The following PHACTR2 variants were observed in gnomAD, a reference collection of about 807,000 sequenced individuals.
PHACTR2 encodes phosphatase and actin regulator 2.
A neutral mutation model predicts 76.0 loss-of-function variants in PHACTR2; 30 were observed. That is an observed-to-expected ratio of 0.39 (90% CI 0.30 to 0.54). PHACTR2 has a LOEUF of 0.54. Ranked by LOEUF, PHACTR2 falls within the 20% of genes least tolerant of loss-of-function variation. The pLI, the probability that PHACTR2 is intolerant of heterozygous loss-of-function variation, is 0.61. For synonymous variants in PHACTR2, 292 were observed against 292.5 expected, an observed-to-expected ratio of 1.00 and a Z score of 0.02; for missense variants, 696 against 781.1, an observed-to-expected ratio of 0.89 and a Z score of 1.30.
rs967621701 is a variant in PHACTR2 at position 143,800,131 on chromosome 6, G to A, written c.1846-6926G>A. Among the ~76,000 whole-genome samples, 9 of 152,160 alleles carry A rather than the reference G, an allele frequency of 5.9e-5. No individual in the cohort carries two copies. Among genetic ancestry groups the A allele is most frequent in the South Asian group, 2.1e-4 (1 of 4,826 alleles). On this transcript the variant is annotated intron_variant, in intron 11 of 12. Coordinates refer to ENST00000440869, the MANE Select transcript of PHACTR2 (RefSeq NM_001100164.2). The surrounding 1 kb of genome is among the most constrained non-coding windows in gnomAD (Gnocchi z 4.8). ...GTTGAATTGATCCCTTCACCATTAC[G>A]TAATGGCCTTCTTTGTCTCTTTTGA...
chr6:143,765,218 A>G lies in PHACTR2; in HGVS notation c.695-43A>G, dbSNP rs746969000. On this transcript the variant is annotated intron_variant, in intron 5 of 12. Transcript: ENST00000440869. This position sits in a 1 kb window ranked among gnomAD's most constrained non-coding sequence, Gnocchi z 4.1. The stretch of plus-strand genomic sequence containing the variant: ...CCTTGGTTACTTTATTTTAAAAAGC[A>G]TTGTATTCTTTGATTTTTTAATGCA... 6.8e-7 allele frequency: 1 copy of G among 1,472,312 alleles called. No homozygotes were observed. Among genetic ancestry groups the G allele is most frequent in the Admixed American group, 2.0e-5 (1 of 49,034 alleles). 91.2% of individuals were successfully genotyped at this position (1,472,312 alleles called of 1,614,324 possible). A position where few individuals can be genotyped will look rare whatever the true frequency, so the allele number is the denominator to read the frequency against.
At chr6:143,681,595 G>C (rs1185030192) in intron 1 of PHACTR2, among the ~76,000 whole-genome samples, 1 of 152,050 alleles carries the variant, frequency 6.6e-6, no homozygotes, top group Non-Finnish European at 1.5e-5. Context: ...TTTTGATGAT[G>C]AGCAGTTTAT....
In PHACTR2 at chr6:143,570,348, TCA is replaced by T. The variant is rs1200841501; in HGVS notation, c.217+33144_217+33145del. On this transcript the variant is annotated intron_variant, in intron 1 of 11. Transcript: ENST00000367584. This position sits in a 1 kb window ranked among gnomAD's most constrained non-coding sequence, Gnocchi z 4.6. ...GCCCTAATCACAAATGTCTTTGTAC[TCA>T]CAGTCATCTTATGCAGGGTTTGTAC... Among the ~76,000 whole-genome samples, 1 of 152,210 alleles carries T rather than the reference TCA, an allele frequency of 6.6e-6. No homozygotes were observed. Among genetic ancestry groups the T allele is most frequent in the African/African-American group, 2.4e-5 (1 of 41,456 alleles).
intron 5 of PHACTR2, among the ~76,000 whole-genome samples, chr6:143,762,468 A>G (rs909491205): frequency 3.3e-5 from 5 of 152,228 alleles, no homozygotes; most frequent in Admixed American, 2.0e-4. Flanking sequence ...TCCAGAGGCT[A>G]TCACAGAGAA....
Position 143,774,108 on chromosome 6 carries a change from T to C in PHACTR2, c.1482T>C (p.Leu494=), listed in dbSNP as rs776128291. Residue 494 remains leucine (L), a synonymous_variant, in exon 8 of 13, where the codon CTT becomes CTC. Coordinates refer to ENST00000440869, the MANE Select transcript of PHACTR2 (RefSeq NM_001100164.2). This position sits in a 1 kb window ranked among gnomAD's most constrained non-coding sequence, Gnocchi z 5.4. ...GGAGGGATACTCTTGCTATCAAACT[T>C]GGCAACAGACCATCTAAGAAAGAAC... is the stretch of plus-strand genomic sequence containing the variant. ...IRRRDTLAIK[L]GNRPSKKELE... 13 of 1,613,884 alleles carry C rather than the reference T, an allele frequency of 8.1e-6. No individual in the cohort carries two copies. The highest frequency in any genetic ancestry group is 1.1e-5 in the Non-Finnish European group (13 of 1,179,858).
intron 1 of PHACTR2, among the ~76,000 whole-genome samples, chr6:143,634,725 A>G (rs1776421688): frequency 6.6e-6 from 1 of 152,202 alleles, no homozygotes; most frequent in African/African-American, 2.4e-5. Context: ...GTAGTTGGGC[A>G]TATGCAGATA....
chr6:143,587,534 G>A (rs953626522), intron 1 of PHACTR2, among the ~76,000 whole-genome samples: 1 of 152,182 alleles, frequency 6.6e-6, no homozygotes, highest in Admixed American at 6.5e-5. Flanking sequence ...AGCACTGCCA[G>A]TGAGTATTCT....
chr6:143,565,121 C>T (rs918772949), intron 1 of PHACTR2, among the ~76,000 whole-genome samples: 3 of 152,138 alleles, frequency 2.0e-5, no homozygotes, highest in Non-Finnish European at 4.4e-5. Flanking sequence ...AATCCATTCT[C>T]TCATTCTTCT....
At chr6:143,744,567 A>C (rs945700403) in intron 2 of PHACTR2, among the ~76,000 whole-genome samples, 3 of 151,646 alleles carry the variant, frequency 2.0e-5, no homozygotes, top group Non-Finnish European at 4.4e-5. Flanking sequence ...TTGAGCAGAG[A>C]CTTGTGGGAC....
intron 1 of PHACTR2, among the ~76,000 whole-genome samples, chr6:143,644,467 C>A (rs1305676480): frequency 6.3e-3 from 700 of 111,426 alleles, no homozygotes; most frequent in Middle Eastern, 0.016. Flanking sequence ...GACTCCATCT[C>A]AAAAAAAAAA....
In PHACTR2 at chr6:143,788,872, G is replaced by T. The variant is rs1291676165; in HGVS notation, c.1807G>T (p.Ala603Ser). 5 of 1,613,534 alleles carry T rather than the reference G, an allele frequency of 3.1e-6. No homozygotes were observed. In the Admixed American group the frequency reaches 6.7e-5, roughly 22 times the overall value. ...VTDSPDYDRR[A>S]DKPWARLTPA... ...GGATTCTCCTGACTATGACCGCCGA[G>T]CAGACAAGCCCTGGGCCAGGTTAAC... The change falls in exon 11 of 13, where the codon GCA (alanine) becomes TCA (serine). Residue 603 changes from alanine (A) to serine (S), a missense_variant. By Grantham distance (99) the Ala-to-Ser change is moderately conservative. Transcript: ENST00000440869.
intron 1 of PHACTR2, among the ~76,000 whole-genome samples, chr6:143,620,145 G>A (rs1776127261): frequency 6.6e-6 from 1 of 152,104 alleles, no homozygotes; most frequent in Admixed American, 6.6e-5. Context: ...CAGACTTCGT[G>A]GAAAACCAGG....
Position 143,783,429 on chromosome 6 carries a change from G to A in PHACTR2, c.1707+149G>A. On this transcript the variant is annotated intron_variant, in intron 10 of 12. Coordinates refer to ENST00000440869, the MANE Select transcript of PHACTR2 (RefSeq NM_001100164.2). The surrounding 1 kb of genome is among the most constrained non-coding windows in gnomAD (Gnocchi z 5.2). Reference sequence around the variant, plus strand: ...TCATAGACATCAAAATCACAAGCCTGGGCAACATGGTGAAACCCTAGCTCT... The same window carrying A: ...TCATAGACATCAAAATCACAAGCCTAGGCAACATGGTGAAACCCTAGCTCT... The A allele has an allele frequency of 2.0e-6, 1 of 510,208 alleles. No homozygotes were observed. The highest frequency in any genetic ancestry group is 3.7e-5 in the Admixed American group (1 of 26,956). The allele number at this position is 510,208 out of a possible 1,614,324, so 31.6% of individuals were successfully genotyped here.
chr6:143,687,039 C>T (rs997306594), intron 1 of PHACTR2, among the ~76,000 whole-genome samples: 5 of 152,022 alleles, frequency 3.3e-5, no homozygotes, highest in African/African-American at 1.2e-4. Context: ...ATATAGCCAC[C>T]TTCTTTTTAG....
rs1185816516 is a variant in PHACTR2, at chr6:143,585,905, CAGGGACACA to C, written c.217+48699_217+48707del. 2.0e-5 allele frequency among the ~76,000 whole-genome samples: 3 copies of C among 152,218 alleles called. No individual in the cohort carries two copies. The highest frequency in any genetic ancestry group is 4.4e-5 in the Non-Finnish European group (3 of 68,042). ...AGCTGGGGCCGCTAGCACTTCATGG[CAGGGACACA>C]TTATTTTTCTTCTTTGAAACAATCC... On this transcript the variant is annotated intron_variant, in intron 1 of 11. Coordinates refer to the PHACTR2 transcript ENST00000367584. This position sits in a 1 kb window ranked among gnomAD's most constrained non-coding sequence, Gnocchi z 5.2.
upstream of PHACTR2, among the ~76,000 whole-genome samples, chr6:143,673,463 G>A (rs924957851): frequency 4.6e-5 from 7 of 151,970 alleles, no homozygotes; most frequent in African/African-American, 1.7e-4. Flanking sequence ...TGGATGTGAT[G>A]GTTAACAAAA....
rs1358609211 is a variant in PHACTR2, at chr6:143,653,382, T to C, written c.13+45060T>C. 3.3e-5 allele frequency among the ~76,000 whole-genome samples: 5 copies of C among 152,214 alleles called. No homozygotes were observed. Among genetic ancestry groups the C allele is most frequent in the East Asian group, 3.9e-4 (2 of 5,184 alleles). On this transcript the variant is annotated intron_variant, in intron 1 of 11. Coordinates refer to the PHACTR2 transcript ENST00000305766. The surrounding 1 kb of genome is among the most constrained non-coding windows in gnomAD (Gnocchi z 4.9). ...TGCTATTGCTAAACCCCTTACCTTA[T>C]ACAGACTGTGGAGATGGGCAAAGGA...
intron 6 of PHACTR2, among the ~76,000 whole-genome samples, chr6:143,769,916 G>A (rs1221273190): frequency 6.6e-6 from 1 of 152,136 alleles, no homozygotes; most frequent in Non-Finnish European, 1.5e-5. Flanking sequence ...TATTTAAGAT[G>A]AGATTTCACA....
At chr6:143,810,747 GC>G (rs1263395163) in intron 12 of PHACTR2, among the ~76,000 whole-genome samples, 1 of 151,800 alleles carries the variant, frequency 6.6e-6, no homozygotes, top group African/African-American at 2.4e-5. Flanking sequence ...TGAGAGAATC[GC>G]CTGAGCCCAG....
Sources: gnomAD v4.1 joint callset for allele counts (sites outside exome capture counted in the v4.1 genomes callset) on GRCh38, gnomAD v4.1.1 for gene constraint, Gnocchi (gnomAD v3.1) non-coding constraint, MANE v1.5 for transcripts, NCBI Gene and HGNC (gene_info 2026-07-23, HGNC 2026-07-21) for gene names.